IL10RB: variants seen among roughly 807,000 people sequenced by gnomAD.
IL10RB encodes the protein interleukin-10 receptor subunit beta.
Under a neutral mutation model 38.7 loss-of-function variants are expected in IL10RB, and 30 were observed. The ratio of observed to expected loss-of-function variants is 0.78; its 90% CI spans 0.58 to 1.05. The LOEUF is 1.05. Among genes scored for constraint, IL10RB ranks in the 50% least tolerant of loss-of-function variants. IL10RB has a pLI of 0.00. For missense variants in IL10RB, 328 were observed against 397.1 expected, an observed-to-expected ratio of 0.83 and a Z score of 1.48; for synonymous variants, 142 against 145.9, an observed-to-expected ratio of 0.97 and a Z score of 0.19.
At chr21:33,279,986 G>C in intron 4 of IL10RB, 68 bp downstream of exon 4, 2 of 1,396,162 alleles carry the variant, frequency 1.4e-6, no homozygotes, top group Non-Finnish European at 2.0e-6. Context: ...TTGCAAGGTG[G>C]CAGCACCTTA....
At chr21:33,286,810 A>G (rs1395294451) in intron 5 of IL10RB, among the ~76,000 whole-genome samples, 2 of 152,158 alleles carry the variant, frequency 1.3e-5, no homozygotes, top group Non-Finnish European at 2.9e-5. Flanking sequence ...CTGTGTTTGC[A>G]CTACTGTACT....
intron 5 of IL10RB, among the ~76,000 whole-genome samples, chr21:33,284,611 G>A (rs188723195): frequency 6.2e-4 from 94 of 152,280 alleles, no homozygotes; most frequent in African/African-American, 2.2e-3. Context: ...AGTGCTGGAG[G>A]TGGCGCCTGG....
At chr21:33,306,637 G>A (rs58886971) in intron 1 of IL10RB, among the ~76,000 whole-genome samples, 23,565 of 151,946 alleles carry the variant, frequency 0.16, 2,120 homozygotes, top group East Asian at 0.36. Flanking sequence ...GGGACCCAGC[G>A]GTCCTCCTGC....
At position 33,268,552 on chromosome 21, in the gene IL10RB, G is replaced by A. The variant is rs377134774; in HGVS notation, c.173+35G>A. On this transcript the variant is annotated intron_variant, in intron 2 of 6. Transcript: ENST00000290200. The stretch of plus-strand genomic sequence containing the variant: ...GCCTCACTATTGGCAGGAACGCACC[G>A]GAGGAGCCAGCCCTGGGCTGGTCAC... The A allele has an allele frequency of 4.2e-5, 61 of 1,466,460 alleles. No individual in the cohort carries two copies. The East Asian group carries it at 6.3e-4, about 15-fold the overall frequency. 90.8% of individuals were successfully genotyped at this position (1,466,460 alleles called of 1,614,324 possible).
intron 1 of IL10RB, chr21:33,308,642 G>C (rs1484498854): frequency 6.6e-6 from 1 of 152,184 alleles, no homozygotes; most frequent in Non-Finnish European, 1.5e-5. Context: ...CCCACAAAAA[G>C]AATAGGGACT....
chr21:33,267,374 T>G (rs1281810360), intron 1 of IL10RB, among the ~76,000 whole-genome samples: 3 of 152,102 alleles, frequency 2.0e-5, no homozygotes, highest in Admixed American at 1.3e-4. Flanking sequence ...ACTCGCACAT[T>G]TATATCTCTC....
intron 6 of IL10RB, among the ~76,000 whole-genome samples, chr21:33,290,791 G>A (rs1989470676): frequency 6.6e-6 from 1 of 152,200 alleles, no homozygotes; most frequent in Admixed American, 6.5e-5. Flanking sequence ...GGGGGGTCCC[G>A]CCTTCACTGT....
intron 6 of IL10RB, among the ~76,000 whole-genome samples, chr21:33,288,479 G>A (rs528248958): frequency 1.9e-4 from 29 of 151,930 alleles, no homozygotes; most frequent in African/African-American, 6.3e-4. Flanking sequence ...GGAAAGGGGC[G>A]CGGGGTTGTC....
intron 5 of IL10RB, among the ~76,000 whole-genome samples, chr21:33,287,090 C>T (rs923203640): frequency 6.6e-6 from 1 of 151,914 alleles, no homozygotes; most frequent in Non-Finnish European, 1.5e-5. Context: ...GCTCGCAGAT[C>T]ATTGAGAAAA....
rs952970664 is a variant in IL10RB, at chr21:33,266,567, A to G, written c.49+53A>G. 38 of 1,513,706 alleles carry G rather than the reference A, an allele frequency of 2.5e-5. No individual in the cohort carries two copies. In the Admixed American group the frequency reaches 6.9e-4, roughly 27 times the overall value. The allele number at this position is 1,513,706 out of a possible 1,614,324, so 93.8% of individuals were successfully genotyped here. ...CTTGGGAACCGGGAGGCCCCGCGAG[A>G]TGCCGCCCCTGATCCCATCCCTGGG... On this transcript the variant is annotated intron_variant, in intron 1 of 6. Transcript: ENST00000290200.
At chr21:33,287,796 GT>G (rs1989402442) in intron 5 of IL10RB, among the ~76,000 whole-genome samples, 1 of 152,214 alleles carries the variant, frequency 6.6e-6, no homozygotes, top group South Asian at 2.1e-4. Flanking sequence ...CAAGGCAGAA[GT>G]GGTATATCCA....
chr21:33,284,210 C>T (rs1989331641), intron 5 of IL10RB, among the ~76,000 whole-genome samples: 2 of 149,942 alleles, frequency 1.3e-5, no homozygotes, highest in East Asian at 2.0e-4. Context: ...GTGGGAGAAT[C>T]GTTTGAACCC....
chr21:33,268,359 GA>G (rs1470651651), intron 1 of IL10RB, 34 bp from the exon 2 acceptor site: 1 of 1,613,972 alleles, frequency 6.2e-7, no homozygotes, highest in South Asian at 1.1e-5. Flanking sequence ...GTTTTGAGGA[GA>G]AAAGTTGTAA....
chr21:33,273,552 G>A (rs186158718), intron 2 of IL10RB, among the ~76,000 whole-genome samples: 100 of 152,332 alleles, frequency 6.6e-4, no homozygotes, highest in African/African-American at 2.1e-3. Context: ...CTGAGTTGCA[G>A]TGACTGTGAC....
chr21:33,271,256 CA>C (rs1267012727), intron 2 of IL10RB, among the ~76,000 whole-genome samples: 2 of 152,188 alleles, frequency 1.3e-5, no homozygotes, highest in African/African-American at 4.8e-5. Flanking sequence ...AGCAATTGCA[CA>C]GCACAAACTC....
chr21:33,296,437 C>A lies in IL10RB; in HGVS notation c.*80C>A. 1 of 1,404,202 alleles carries A rather than the reference C, an allele frequency of 7.1e-7. No individual in the cohort carries two copies. The highest frequency in any genetic ancestry group is 9.9e-7 in the Non-Finnish European group (1 of 1,009,448). The allele number at this position is 1,404,202 out of a possible 1,614,324, so 87.0% of individuals were successfully genotyped here. The stretch of plus-strand genomic sequence containing the variant: ...CTGCCTCAGTGAGGGATCAGGGCAG[C>A]AAACAAGGGCCAAGACCATCTGAGC... On this transcript the variant is annotated 3_prime_UTR_variant, in exon 7 of 7. Coordinates refer to ENST00000290200, the MANE Select transcript of IL10RB (RefSeq NM_000628.5).
chr21:33,294,640 C>T (rs965389427), intron 6 of IL10RB, among the ~76,000 whole-genome samples: 2 of 152,138 alleles, frequency 1.3e-5, no homozygotes, highest in African/African-American at 2.4e-5. Flanking sequence ...AGGGAAAAAT[C>T]CCTACAGGTC....
Position 33,266,394 on chromosome 21 carries a change from C to A in IL10RB, c.-72C>A, listed in dbSNP as rs45607743. On this transcript the variant is annotated 5_prime_UTR_variant, in exon 1 of 7. Coordinates refer to ENST00000290200, the MANE Select transcript of IL10RB (RefSeq NM_000628.5). ...CTCCGCTGGTTCCCGGAAGCCGCCGCGGACAAGCTCTCCCGGGCGCGGGCG... is the reference window on the plus strand; with the variant it reads ...CTCCGCTGGTTCCCGGAAGCCGCCGAGGACAAGCTCTCCCGGGCGCGGGCG... The A allele has an allele frequency of 5.4e-3, 8,162 of 1,501,168 alleles. 60 individuals are homozygous for A. The highest frequency in any genetic ancestry group is 0.012 in the South Asian group (1,001 of 82,376). 93.0% of individuals were successfully genotyped at this position (1,501,168 alleles called of 1,614,324 possible). A position where few individuals can be genotyped will look rare whatever the true frequency, so the allele number is the denominator to read the frequency against.
chr21:33,302,379 G>A (rs182855856), intron 1 of IL10RB, among the ~76,000 whole-genome samples: 2 of 152,376 alleles, frequency 1.3e-5, no homozygotes, highest in African/African-American at 2.4e-5. Context: ...CCATGCGGGA[G>A]TGCCAAGGCT....
Sources: gnomAD v4.1 joint callset for allele counts (sites outside exome capture counted in the v4.1 genomes callset) on GRCh38, gnomAD v4.1.1 for gene constraint, MANE v1.5 for transcripts, NCBI Gene and HGNC (gene_info 2026-07-23, HGNC 2026-07-21) for gene names.